The following AFF4 variants were observed in gnomAD, a reference collection of about 807,000 sequenced individuals.
AFF4 encodes the protein AF4/FMR2 family member 4.
AFF4 carries 13 observed loss-of-function variants against 124.8 expected under a neutral mutation model. The ratio of observed to expected loss-of-function variants is 0.10; its 90% CI spans 0.07 to 0.17. The LOEUF is 0.17. Among genes scored for constraint, AFF4 ranks in the 10% least tolerant of loss-of-function variants. AFF4 has a pLI of 1.00. For missense variants in AFF4, 1,092 were observed against 1,403.8 expected, an observed-to-expected ratio of 0.78 and a Z score of 3.55; for synonymous variants, 477 against 496.1, an observed-to-expected ratio of 0.96 and a Z score of 0.51.
intron 6 of AFF4, among the ~76,000 whole-genome samples, chr5:132,903,241 T>A (rs1760593877): frequency 6.7e-6 from 1 of 149,512 alleles, no homozygotes. Flanking sequence ...CAATGTCAAA[T>A]CCCTTTTTCC....
chr5:132,883,105 T>C (rs969822643), intron 20 of AFF4, among the ~76,000 whole-genome samples: 2 of 152,192 alleles, frequency 1.3e-5, no homozygotes, highest in Non-Finnish European at 2.9e-5. Context: ...CACATTTGTC[T>C]TAGTCCAAGA....
intron 1 of AFF4, among the ~76,000 whole-genome samples, chr5:132,953,810 G>A (rs754955204): frequency 4.0e-5 from 6 of 151,874 alleles, no homozygotes; most frequent in East Asian, 1.9e-4. Context: ...TTTATCTTCC[G>A]CTTGAATAAA....
chr5:132,897,854 C>T (rs916515505), intron 10 of AFF4, among the ~76,000 whole-genome samples: 1 of 151,976 alleles, frequency 6.6e-6, no homozygotes, highest in African/African-American at 2.4e-5. Context: ...GATGTAGGTA[C>T]AAAGAGATTT....
chr5:132,895,023 T>A (rs907221818), intron 11 of AFF4, among the ~76,000 whole-genome samples: 2 of 152,154 alleles, frequency 1.3e-5, no homozygotes, highest in Non-Finnish European at 2.9e-5. Context: ...GACCATTTTT[T>A]AAAATTCCAT....
intron 1 of AFF4, among the ~76,000 whole-genome samples, chr5:132,955,614 C>T (rs1761936332): frequency 6.6e-6 from 1 of 151,526 alleles, no homozygotes. Flanking sequence ...CCCATCTCTA[C>T]TAAAAATACA....
At chr5:132,925,272 T>C (rs902434086) in intron 5 of AFF4, among the ~76,000 whole-genome samples, 5 of 151,930 alleles carry the variant, frequency 3.3e-5, no homozygotes, top group African/African-American at 4.8e-5. Context: ...GGCACACATA[T>C]AGACAGAAAA....
intron 4 of AFF4, among the ~76,000 whole-genome samples, chr5:132,929,301 G>A (rs551161129): frequency 3.9e-5 from 6 of 152,058 alleles, no homozygotes; most frequent in African/African-American, 1.4e-4. Context: ...AATTATCATC[G>A]AATGACTGAG....
At chr5:132,899,558 C>T (rs755330912) in intron 8 of AFF4, 29 bp downstream of exon 8, 5 of 1,581,178 alleles carry the variant, frequency 3.2e-6, no homozygotes, top group Non-Finnish European at 3.4e-6. Flanking sequence ...CTATATGAGA[C>T]TGGCAAAATA....
intron 5 of AFF4, among the ~76,000 whole-genome samples, chr5:132,906,661 T>C (rs1760678114): frequency 6.6e-6 from 1 of 152,204 alleles, no homozygotes; most frequent in African/African-American, 2.4e-5. Flanking sequence ...TTTGAGTTGA[T>C]GATTTATAAA....
chr5:132,914,806 G>C (rs74864081), intron 5 of AFF4, among the ~76,000 whole-genome samples: 6,289 of 152,158 alleles, frequency 0.041, 435 homozygotes, highest in African/African-American at 0.14. Context: ...TATCATAATA[G>C]AATATGTTAT....
intron 1 of AFF4, among the ~76,000 whole-genome samples, chr5:132,955,146 AGCT>A (rs1455448530): frequency 6.6e-6 from 1 of 152,162 alleles, no homozygotes; most frequent in African/African-American, 2.4e-5. Flanking sequence ...TCCGGTGTCC[AGCT>A]GCTGCTTCTC....
rs58888478 is a variant in AFF4 at position 132,936,957 on chromosome 5, A to C, written c.123+110T>G. ...TGTAAAGGACAGGAAAAAAATGTTA[A>C]GTGGTATTCATAGTAATTCTTTTCT... On this transcript the variant is annotated intron_variant, in intron 2 of 20. Coordinates refer to ENST00000265343, the MANE Select transcript of AFF4 (RefSeq NM_014423.4). 1.3e-3 allele frequency: 1,730 copies of C among 1,371,340 alleles called. 13 individuals carry two copies. In the African/African-American group the frequency reaches 0.019, roughly 15 times the overall value. 84.9% of individuals were successfully genotyped at this position (1,371,340 alleles called of 1,614,324 possible).
chr5:132,902,415 A>G, intron 7 of AFF4, 27 bp downstream of exon 7: 2 of 1,552,842 alleles, frequency 1.3e-6, no homozygotes, highest in Non-Finnish European at 1.8e-6. Flanking sequence ...AATGATAAAT[A>G]TTAAACTCAT....
intron 5 of AFF4, chr5:132,926,726 T>TC (rs1491249019): frequency 1.2e-4 from 14 of 112,146 alleles, no homozygotes; most frequent in Non-Finnish European, 2.1e-4. Flanking sequence ...TTTTTTTTTT[T>TC]CCTTCCAATT....
At chr5:132,884,387 G>A (rs1463780202) in intron 19 of AFF4, among the ~76,000 whole-genome samples, 4 of 152,006 alleles carry the variant, frequency 2.6e-5, no homozygotes, top group African/African-American at 7.2e-5. Context: ...TTACAGGCGC[G>A]CACGACACCA....
chr5:132,938,210 A>G (rs938657502), intron 1 of AFF4, among the ~76,000 whole-genome samples: 1 of 152,130 alleles, frequency 6.6e-6, no homozygotes, highest in South Asian at 2.1e-4. Context: ...TCAGAAAATT[A>G]AAGTTCATCA....
chr5:132,902,517 A>C (rs755725748), intron 6 of AFF4, 30 bp from the exon 7 acceptor site: 1 of 1,520,274 alleles, frequency 6.6e-7, no homozygotes, highest in Admixed American at 1.7e-5. Context: ...GTGAGCAACT[A>C]AAGGATGGCT....
chr5:132,897,527 T>G (rs1760438683), intron 10 of AFF4, among the ~76,000 whole-genome samples: 1 of 152,066 alleles, frequency 6.6e-6, no homozygotes, highest in African/African-American at 2.4e-5. Flanking sequence ...CTGACCAACA[T>G]GGTGAAATCC....
intron 18 of AFF4, 150 bp from the exon 19 acceptor site, chr5:132,885,269 TGTGTG>T: frequency 2.1e-6 from 1 of 474,086 alleles, no homozygotes; most frequent in East Asian, 3.5e-5. Flanking sequence ...TGTGTGTGTG[TGTGTG>T]TGTAAAAGTA....
Sources: gnomAD v4.1 joint callset for allele counts (sites outside exome capture counted in the v4.1 genomes callset) on GRCh38, gnomAD v4.1.1 for gene constraint, MANE v1.5 for transcripts, NCBI Gene and HGNC (gene_info 2026-07-23, HGNC 2026-07-21) for gene names.